Variants in TSHZ3 observed in about 807,000 individuals in gnomAD.
TSHZ3 encodes the protein teashirt zinc finger homeobox 3.
Under a neutral mutation model 64.5 loss-of-function variants are expected in TSHZ3, and 10 were observed. The observed-to-expected ratio is 0.16, with a 90% CI of 0.10 to 0.26. The LOEUF is 0.26. Among genes scored for constraint, TSHZ3 ranks in the 10% least tolerant of loss-of-function variants. The pLI is 1.00. For missense variants in TSHZ3, 1,242 were observed against 1,421.7 expected (o/e 0.87, Z 2.03); for synonymous variants, 608 against 593.1 (o/e 1.03, Z -0.36).
At chr19:31,194,911 G>C (rs1974962290) in intron 5 of TSHZ3, among the ~76,000 whole-genome samples, 1 of 152,140 alleles carries the variant, frequency 6.6e-6, no homozygotes, top group African/African-American at 2.4e-5. Flanking sequence ...AAAAAGAAAT[G>C]CTGGAGATAA....
At chr19:31,321,684 CTG>C (rs1439751738) in intron 1 of TSHZ3, among the ~76,000 whole-genome samples, 1 of 152,172 alleles carries the variant, frequency 6.6e-6, no homozygotes, top group Non-Finnish European at 1.5e-5. Flanking sequence ...TCCATCCAGA[CTG>C]TGTGTGAGAC....
At chr19:31,250,476 A>T (rs974092060) in intron 1 of TSHZ3, among the ~76,000 whole-genome samples, 1 of 152,188 alleles carries the variant, frequency 6.6e-6, no homozygotes. Context: ...CTTACATGGG[A>T]TGTAAATTAT....
At chr19:31,229,446 A>G (rs562223139) in intron 3 of TSHZ3, among the ~76,000 whole-genome samples, 24 of 152,314 alleles carry the variant, frequency 1.6e-4, no homozygotes, top group Middle Eastern at 3.4e-3. Flanking sequence ...GCGAAACACT[A>G]AAGATAAATT....
chr19:31,325,837 G>A (rs1001349368), intron 1 of TSHZ3, among the ~76,000 whole-genome samples: 2 of 152,166 alleles, frequency 1.3e-5, no homozygotes, highest in South Asian at 2.1e-4. Context: ...CCCTTAAAAA[G>A]TATAAGGCAG....
At chr19:31,195,975 G>C (rs1285169870) in intron 5 of TSHZ3, among the ~76,000 whole-genome samples, 1 of 151,804 alleles carries the variant, frequency 6.6e-6, no homozygotes, top group South Asian at 2.1e-4. Flanking sequence ...TGTACACCTA[G>C]GCTATTTATT....
At chr19:31,273,459 G>A (rs990488339), downstream of TSHZ3, among the ~76,000 whole-genome samples, 1 of 152,154 alleles carries the variant, frequency 6.6e-6, no homozygotes, top group East Asian at 1.9e-4. Flanking sequence ...AAAGTGTGTC[G>A]AGTCCTCCCA....
At chr19:31,294,412 A>G (rs1049713198) in intron 1 of TSHZ3, among the ~76,000 whole-genome samples, 1 of 152,238 alleles carries the variant, frequency 6.6e-6, no homozygotes, top group African/African-American at 2.4e-5. Flanking sequence ...AGCGGCACTC[A>G]GTCAGCACTT....
Position 31,279,085 on chromosome 19 carries a change from C to A in TSHZ3, c.708G>T (p.Thr236=). The part of the protein sequence containing the change: ...LVELTVHMNE[T]GHYRDDNHET... ...CATGGTTGTCGTCGCGGTAATGCCCCGTCTCGTTCATGTGCACCGTCAACT... is the reference window on the plus strand; with the variant it reads ...CATGGTTGTCGTCGCGGTAATGCCCAGTCTCGTTCATGTGCACCGTCAACT... The change falls in exon 2 of 2, where the codon ACG becomes ACT. Residue 236 remains threonine (T), a synonymous_variant. Coordinates refer to ENST00000240587, the MANE Select transcript of TSHZ3 (RefSeq NM_020856.4). The surrounding 1 kb of genome is among the most constrained non-coding windows in gnomAD (Gnocchi z 6.4). 6.2e-7 allele frequency: 1 copy of A among 1,613,986 alleles called. No individual in the cohort carries two copies. The highest frequency in any genetic ancestry group is 8.5e-7 in the Non-Finnish European group (1 of 1,179,960).
At chr19:31,260,358 T>C (rs1005487280) in intron 1 of TSHZ3, among the ~76,000 whole-genome samples, 6 of 152,198 alleles carry the variant, frequency 3.9e-5, no homozygotes, top group African/African-American at 1.4e-4. Flanking sequence ...CCGGTGATAC[T>C]ACATAAAGTG....
intron 1 of TSHZ3, among the ~76,000 whole-genome samples, chr19:31,313,296 A>G (rs574699343): frequency 6.6e-6 from 1 of 152,274 alleles, no homozygotes; most frequent in East Asian, 1.9e-4. Context: ...TGGTTATTAA[A>G]CCTCAATGTT....
rs1160334453 is a variant in TSHZ3, at chr19:31,340,338, C to CAAAAAAAAAAAAAAA, written c.40+8827_40+8841dup. On this transcript the variant is annotated intron_variant, in intron 1 of 1. Coordinates refer to ENST00000240587, the MANE Select transcript of TSHZ3 (RefSeq NM_020856.4). ...ATTAATTAGCAACAGGCCTACAGTA[C>CAAAAAAAAAAAAAAA]AAAAAAAAAAAAAAAAAAAAAAAAA... Among the ~76,000 whole-genome samples, 20 of 32,754 alleles carry CAAAAAAAAAAAAAAA rather than the reference C, an allele frequency of 6.1e-4. 4 individuals are homozygous for CAAAAAAAAAAAAAAA. Among genetic ancestry groups the CAAAAAAAAAAAAAAA allele is most frequent in the Non-Finnish European group, 6.3e-4 (11 of 17,568 alleles). The allele number at this position is 32,754 out of a possible 152,430, so 21.5% of individuals were successfully genotyped here. A position where few individuals can be genotyped will look rare whatever the true frequency, so the allele number is the denominator to read the frequency against.
intron 1 of TSHZ3, among the ~76,000 whole-genome samples, chr19:31,330,867 G>A (rs997246109): frequency 6.6e-6 from 1 of 151,772 alleles, no homozygotes; most frequent in Non-Finnish European, 1.5e-5. Context: ...GTACCCCAGG[G>A]CACAGGAATC....
At chr19:31,151,942 TCA>T (rs1373005617) in intron 6 of TSHZ3, among the ~76,000 whole-genome samples, 2 of 152,134 alleles carry the variant, frequency 1.3e-5, no homozygotes, top group African/African-American at 4.8e-5. Flanking sequence ...GTTTAATTAT[TCA>T]CACACACACA....
At chr19:31,215,943 C>A (rs1471134526) in intron 4 of TSHZ3, among the ~76,000 whole-genome samples, 1 of 150,970 alleles carries the variant, frequency 6.6e-6, no homozygotes, top group Admixed American at 6.6e-5. Context: ...CTTAAAAAAA[C>A]TATTAAAAAT....
intron 3 of TSHZ3, among the ~76,000 whole-genome samples, chr19:31,235,842 G>A (rs1975607656): frequency 6.6e-6 from 1 of 150,424 alleles, no homozygotes; most frequent in Non-Finnish European, 1.5e-5. Flanking sequence ...AGCCTCCAAA[G>A]TATCTGGGAT....
intron 5 of TSHZ3, among the ~76,000 whole-genome samples, chr19:31,198,781 G>A (rs1224324959): frequency 6.6e-6 from 1 of 152,036 alleles, no homozygotes; most frequent in Admixed American, 6.6e-5. Flanking sequence ...CTAAATCAAG[G>A]AAGGACTAAA....
intron 5 of TSHZ3, among the ~76,000 whole-genome samples, chr19:31,171,729 T>C (rs921338443): frequency 6.6e-6 from 1 of 152,100 alleles, no homozygotes; most frequent in Non-Finnish European, 1.5e-5. Flanking sequence ...ATACTCCCTG[T>C]GGGGTAGGAG....
rs775814642 is a variant in TSHZ3, at chr19:31,278,017, G to A, written c.1776C>T (p.Val592=). 1.2e-6 allele frequency: 2 copies of A among 1,613,738 alleles called. No individual in the cohort carries two copies. Among genetic ancestry groups the A allele is most frequent in the South Asian group, 2.2e-5 (2 of 91,092 alleles). ...IVSPTKNQTL[V]SPPSSQTSPM... is the part of the protein sequence containing the mutation. The stretch of plus-strand genomic sequence containing the variant: ...GGGACGTCTGGCTGCTGGGTGGAGA[G>A]ACCAGGGTCTGGTTTTTCGTCGGGG... Residue 592 remains valine (V), a synonymous_variant, in exon 2 of 2, where the codon GTC becomes GTT. Coordinates refer to ENST00000240587, the MANE Select transcript of TSHZ3 (RefSeq NM_020856.4). The surrounding 1 kb of genome is among the most constrained non-coding windows in gnomAD (Gnocchi z 4.7).
intron 6 of TSHZ3, among the ~76,000 whole-genome samples, chr19:31,154,653 G>A (rs901228333): frequency 1.3e-5 from 2 of 152,210 alleles, no homozygotes; most frequent in African/African-American, 4.8e-5. Flanking sequence ...TTGAATCTCA[G>A]GTCAGCTCCC....
Sources: allele counts gnomAD v4.1 joint callset (sites outside exome capture counted in the v4.1 genomes callset), GRCh38; gene constraint gnomAD v4.1.1; non-coding constraint Gnocchi (gnomAD v3.1); transcripts MANE v1.5; gene names NCBI Gene and HGNC (gene_info 2026-07-23, HGNC 2026-07-21).